The following MAD1L1 variants were observed in gnomAD, a reference collection of about 807,000 sequenced individuals.
MAD1L1 encodes mitotic arrest deficient 1 like 1.
Under a neutral mutation model 96.9 loss-of-function variants are expected in MAD1L1, and 95 were observed. That is an observed-to-expected ratio of 0.98 (90% CI 0.83 to 1.16). The LOEUF is 1.16. Among genes scored for constraint, MAD1L1 ranks in the 50% most tolerant of loss-of-function variants. MAD1L1 has a pLI of 0.00. For synonymous variants in MAD1L1, 473 were observed against 396.6 expected (o/e 1.19, Z -2.29); for missense variants, 1,007 against 954.4 (o/e 1.06, Z -0.73).
At chr7:1,874,307 C>T (rs937452397) in intron 18 of MAD1L1, among the ~76,000 whole-genome samples, 1 of 152,198 alleles carries the variant, frequency 6.6e-6, no homozygotes, top group East Asian at 1.9e-4. Flanking sequence ...CCAGGCTGGG[C>T]CACAGTGCAG....
At chr7:1,986,746 T>A (rs367943897) in intron 14 of MAD1L1, among the ~76,000 whole-genome samples, 1 of 152,190 alleles carries the variant, frequency 6.6e-6, no homozygotes, top group East Asian at 1.9e-4. Context: ...TTCTTGTTAT[T>A]TGTAGATGAT....
intron 10 of MAD1L1, among the ~76,000 whole-genome samples, chr7:2,189,845 C>A (rs1315072092): frequency 6.6e-6 from 1 of 152,108 alleles, no homozygotes; most frequent in East Asian, 1.9e-4. Context: ...GAAAAGCATC[C>A]TCCTCAACCT....
intron 11 of MAD1L1, among the ~76,000 whole-genome samples, chr7:2,104,505 C>G (rs1057046772): frequency 6.6e-6 from 1 of 152,214 alleles, no homozygotes; most frequent in South Asian, 2.1e-4. Context: ...TCGGAACACG[C>G]GCTCTGCCAC....
At chr7:1,865,284 G>C (rs541626206) in intron 18 of MAD1L1, among the ~76,000 whole-genome samples, 49 of 152,242 alleles carry the variant, frequency 3.2e-4, no homozygotes, top group African/African-American at 1.2e-3. Flanking sequence ...AAGGGCCAGA[G>C]AGAAGCTCTT....
chr7:2,158,726 T>A (rs1789960155), intron 10 of MAD1L1, among the ~76,000 whole-genome samples: 1 of 151,962 alleles, frequency 6.6e-6, no homozygotes, highest in African/African-American at 2.4e-5. Flanking sequence ...AAAGGTGGGG[T>A]CGCCAGGTTG....
chr7:1,958,649 C>T (rs1453709104), intron 15 of MAD1L1, among the ~76,000 whole-genome samples: 1 of 152,200 alleles, frequency 6.6e-6, no homozygotes, highest in Non-Finnish European at 1.5e-5. Context: ...TTCACAATGC[C>T]TGCCATCCAG....
intron 18 of MAD1L1, among the ~76,000 whole-genome samples, chr7:1,856,996 C>G (rs1279365319): frequency 6.6e-6 from 1 of 151,868 alleles, no homozygotes; most frequent in East Asian, 1.9e-4. Flanking sequence ...GTGCTGGACC[C>G]TGCTGGTCAC....
chr7:2,112,366 G>C (rs731140), intron 11 of MAD1L1, among the ~76,000 whole-genome samples: 136 of 152,018 alleles, frequency 8.9e-4, no homozygotes, highest in Middle Eastern at 3.4e-3. Flanking sequence ...GTAAACCTAA[G>C]GGAACCACAA....
chr7:2,091,451 G>A (rs1786207995), intron 11 of MAD1L1, among the ~76,000 whole-genome samples: 1 of 152,190 alleles, frequency 6.6e-6, no homozygotes, highest in Non-Finnish European at 1.5e-5. Flanking sequence ...TCTGGCTGGG[G>A]TCTGGCTTTT....
chr7:1,957,258 C>T (rs1201785517), intron 16 of MAD1L1, among the ~76,000 whole-genome samples: 1 of 152,262 alleles, frequency 6.6e-6, no homozygotes, highest in Non-Finnish European at 1.5e-5. Flanking sequence ...AACCTGAGGG[C>T]TTCCTGCCAT....
At chr7:1,863,417 C>G (rs888578293) in intron 18 of MAD1L1, among the ~76,000 whole-genome samples, 1 of 152,242 alleles carries the variant, frequency 6.6e-6, no homozygotes, top group Non-Finnish European at 1.5e-5. Context: ...GGCGGGGAGA[C>G]CTCGCGGTCC....
At chr7:1,962,460 G>A (rs1243594770) in intron 15 of MAD1L1, among the ~76,000 whole-genome samples, 1 of 152,060 alleles carries the variant, frequency 6.6e-6, no homozygotes, top group Non-Finnish European at 1.5e-5. Context: ...TGAAAAATTG[G>A]ACTTTATCAT....
chr7:2,217,088 T>C (rs1793324049), intron 7 of MAD1L1, among the ~76,000 whole-genome samples: 1 of 152,158 alleles, frequency 6.6e-6, no homozygotes, highest in South Asian at 2.1e-4. Flanking sequence ...TGGCACTCCA[T>C]GGTAAAACAT....
chr7:2,189,629 C>T (rs1381309554), intron 10 of MAD1L1, among the ~76,000 whole-genome samples: 2 of 152,142 alleles, frequency 1.3e-5, no homozygotes, highest in African/African-American at 4.8e-5. Context: ...AATGGTGGGT[C>T]CTAGAGCCAA....
chr7:2,219,158 T>C (rs886288260), intron 6 of MAD1L1, among the ~76,000 whole-genome samples, 174 bp downstream of exon 6: 1 of 152,168 alleles, frequency 6.6e-6, no homozygotes, highest in Non-Finnish European at 1.5e-5. Flanking sequence ...CAGGACACTT[T>C]CTGGGCTCAC....
rs146433503 is a variant in MAD1L1, at chr7:2,114,117, G to A, written c.1073+35035C>T. 1.7e-4 allele frequency among the ~76,000 whole-genome samples: 26 copies of A among 152,340 alleles called. No individual in the cohort carries two copies. Among genetic ancestry groups the A allele is most frequent in the Admixed American group, 7.2e-4 (11 of 15,308 alleles). The stretch of plus-strand genomic sequence containing the variant: ...ACGGGCTCACAAGACGTTACCCTCG[G>A]GAAAGCTGGCGGAGGGTGCGTCGAA... On this transcript the variant is annotated intron_variant, in intron 11 of 18. Transcript: ENST00000265854. The surrounding 1 kb of genome is among the most constrained non-coding windows in gnomAD (Gnocchi z 4.2).
chr7:2,170,020 C>T (rs1216015496), intron 10 of MAD1L1, among the ~76,000 whole-genome samples: 1 of 152,206 alleles, frequency 6.6e-6, no homozygotes. Flanking sequence ...ATGATGAATG[C>T]ATCCGAAGGG....
In MAD1L1 at chr7:2,082,158, G is replaced by C. The variant is rs182434951; in HGVS notation, c.1074-12820C>G. Among the ~76,000 whole-genome samples, 117 of 152,266 alleles carry C rather than the reference G, an allele frequency of 7.7e-4. 1 individual carries two copies. The highest frequency in any genetic ancestry group is 2.5e-3 in the African/African-American group (105 of 41,548). On this transcript the variant is annotated intron_variant, in intron 11 of 18. Transcript: ENST00000265854. ...ACCTGCGCAGGAGATGCCAGAGAAA[G>C]GGAAGGGAGGCAGGAGGGGGAGGGG...
In MAD1L1 at chr7:2,232,892, T is replaced by A. The variant is rs1794289852; in HGVS notation, c.-210A>T. On this transcript the variant is annotated 5_prime_UTR_variant, in exon 1 of 19. In the 5' UTR this introduces an upstream ATG that the reference lacks. Coordinates refer to ENST00000265854, the MANE Select transcript of MAD1L1 (RefSeq NM_001013836.2). ...CTTACCTCAGCCGCTCGCAGCCAGC[T>A]TGCCGCCGCCGCTCGGATCTCCCTC... 1 of 152,244 alleles carries A rather than the reference T, an allele frequency of 6.6e-6. No individual in the cohort carries two copies. The highest frequency in any genetic ancestry group is 2.4e-5 in the African/African-American group (1 of 41,460). The allele number at this position is 152,244 out of a possible 1,614,324, so 9.4% of individuals were successfully genotyped here. A position where few individuals can be genotyped will look rare whatever the true frequency, so the allele number is the denominator to read the frequency against.
Sources: allele counts gnomAD v4.1 joint callset (sites outside exome capture counted in the v4.1 genomes callset), GRCh38; gene constraint gnomAD v4.1.1; non-coding constraint Gnocchi (gnomAD v3.1); transcripts MANE v1.5; gene names NCBI Gene and HGNC (gene_info 2026-07-23, HGNC 2026-07-21).